POU6F2: variants seen among roughly 807,000 people sequenced by gnomAD.
The protein encoded by POU6F2 is POU class 6 homeobox 2, also known as POU domain, class 6, transcription factor 2.
POU6F2 carries 31 observed loss-of-function variants against 71.3 expected under a neutral mutation model. The observed-to-expected ratio is 0.43, with a 90% confidence interval of 0.33 to 0.59. The LOEUF is 0.59. Among genes scored for constraint, POU6F2 ranks in the 20% least tolerant of loss-of-function variants. The pLI is 0.04. For synonymous variants in POU6F2, 347 were observed against 355.7 expected (o/e 0.98, Z 0.27); for missense variants, 783 against 856.8 (o/e 0.91, Z 1.07).
chr7:39,275,584 G>T (rs1048007991), intron 4 of POU6F2, among the ~76,000 whole-genome samples: 1 of 152,142 alleles, frequency 6.6e-6, no homozygotes, highest in Non-Finnish European at 1.5e-5. Context: ...AAAAGAGCCC[G>T]CATTGCCAAG....
intron 1 of POU6F2, among the ~76,000 whole-genome samples, chr7:39,016,280 C>G (rs1002490914): frequency 1.5e-4 from 22 of 148,038 alleles, no homozygotes; most frequent in African/African-American, 5.2e-4. Flanking sequence ...TATATAATAA[C>G]AACTATTTAT....
intron 2 of POU6F2, among the ~76,000 whole-genome samples, chr7:39,138,304 A>G (rs1320660009): frequency 2.6e-5 from 4 of 152,172 alleles, no homozygotes; most frequent in African/African-American, 7.2e-5. Context: ...AGAAAATTCT[A>G]TTATTTAAAT....
chr7:39,446,890 A>T (rs1196001538), intron 7 of POU6F2, among the ~76,000 whole-genome samples: 2 of 152,252 alleles, frequency 1.3e-5, no homozygotes, highest in African/African-American at 4.8e-5. Context: ...CAAGAAAGTG[A>T]TTATGTAAAC....
rs1785884140 is a variant in POU6F2, at chr7:39,340,142, T to C, written c.972+127T>C. On this transcript the variant is annotated intron_variant, in intron 5 of 9. Transcript: ENST00000518318. ...CCAGTTCTGCAGCATCTAATTCAAA[T>C]TGATCTCTTAGACATAGGGAAGAAG... The C allele has an allele frequency of 3.8e-6, 5 of 1,300,984 alleles. No individual in the cohort carries two copies. The Admixed American group carries it at 8.4e-5, about 22-fold the overall frequency. The allele number at this position is 1,300,984 out of a possible 1,614,324, so 80.6% of individuals were successfully genotyped here. A position where few individuals can be genotyped will look rare whatever the true frequency, so the allele number is the denominator to read the frequency against.
chr7:39,419,119 ATG>A (rs1192498930), intron 6 of POU6F2, among the ~76,000 whole-genome samples: 1 of 132,066 alleles, frequency 7.6e-6, no homozygotes, highest in African/African-American at 3.1e-5. Context: ...ATACGTATAT[ATG>A]TGTATATATA....
chr7:39,244,645 C>T (rs1284705400), intron 4 of POU6F2, among the ~76,000 whole-genome samples: 1 of 152,150 alleles, frequency 6.6e-6, no homozygotes, highest in Non-Finnish European at 1.5e-5. Flanking sequence ...CACACACACG[C>T]ATTTCATACA....
At position 39,339,682 on chromosome 7, in the gene POU6F2, C is replaced by CAGCAGCAGCAG; in HGVS notation, c.639_640insAGCAGCAGCAG (p.Gln214SerfsTer121). 1 of 1,603,608 alleles carries CAGCAGCAGCAG rather than the reference C, an allele frequency of 6.2e-7. No individual in the cohort carries two copies. Among genetic ancestry groups the CAGCAGCAGCAG allele is most frequent in the Non-Finnish European group, 8.5e-7 (1 of 1,178,550 alleles). ...ACTCCCAGCTCCAGCAGCTCCAGCT[C>CAGCAGCAGCAG]CAGCTCCAGCAGCAGCAGCAGCAGC... On this transcript the variant is annotated frameshift_variant, in exon 5 of 10. Transcript: ENST00000518318. LOFTEE classifies it high-confidence loss of function.
intron 2 of POU6F2, among the ~76,000 whole-genome samples, chr7:39,117,500 A>T (rs1443852057): frequency 6.6e-6 from 1 of 152,224 alleles, no homozygotes; most frequent in African/African-American, 2.4e-5. Context: ...CTACGAGGAC[A>T]AAGAGGAGCA....
intron 4 of POU6F2, 101 bp from the exon 5 acceptor site, chr7:39,339,541 C>T: frequency 7.0e-7 from 1 of 1,424,920 alleles, no homozygotes; most frequent in Non-Finnish European, 9.2e-7. Flanking sequence ...CAAGAATTTT[C>T]TAAAGGAAAC....
At chr7:39,256,550 A>C (rs1784026932) in intron 4 of POU6F2, among the ~76,000 whole-genome samples, 1 of 152,236 alleles carries the variant, frequency 6.6e-6, no homozygotes, top group African/African-American at 2.4e-5. Context: ...GGTTGTTAAA[A>C]GGTAAATAAA....
intron 4 of POU6F2, among the ~76,000 whole-genome samples, chr7:39,299,755 A>T (rs35939093): frequency 0.46 from 69,557 of 152,022 alleles, 16,747 homozygotes; most frequent in Admixed American, 0.59. Flanking sequence ...TCTTCATTCA[A>T]CTCCAAAAGG....
At chr7:39,304,367 G>A (rs1370543953) in intron 4 of POU6F2, among the ~76,000 whole-genome samples, 1 of 152,152 alleles carries the variant, frequency 6.6e-6, no homozygotes, top group African/African-American at 2.4e-5. Flanking sequence ...CCAACATTTG[G>A]TGTGTCTCTT....
chr7:38,982,445 A>T (rs1788347232), intron 1 of POU6F2, among the ~76,000 whole-genome samples: 1 of 152,138 alleles, frequency 6.6e-6, no homozygotes, highest in Non-Finnish European at 1.5e-5. Flanking sequence ...GACTGACCAA[A>T]ATTGAATTTG....
chr7:38,998,838 T>TTTTTTTTTG (rs869182741), intron 1 of POU6F2, among the ~76,000 whole-genome samples: 2 of 141,330 alleles, frequency 1.4e-5, no homozygotes, highest in Admixed American at 7.1e-5. Context: ...TTTTTTTTTT[T>TTTTTTTTTG]TATTTTCAGT....
intron 2 of POU6F2, among the ~76,000 whole-genome samples, chr7:39,096,249 C>T (rs1020030372): frequency 6.6e-5 from 10 of 152,056 alleles, no homozygotes; most frequent in African/African-American, 1.4e-4. Flanking sequence ...TGTCACTTGC[C>T]GACGACCTGC....
chr7:39,027,885 A>G (rs1424503842), intron 1 of POU6F2, among the ~76,000 whole-genome samples: 2 of 152,168 alleles, frequency 1.3e-5, no homozygotes, highest in African/African-American at 2.4e-5. Flanking sequence ...TACCTGGGGT[A>G]CAAGTATACT....
chr7:39,003,103 A>ACAAAG (rs1788959359), intron 1 of POU6F2, among the ~76,000 whole-genome samples: 1 of 152,232 alleles, frequency 6.6e-6, no homozygotes. Flanking sequence ...AGATTGTAGT[A>ACAAAG]CATTTGTACT....
intron 3 of POU6F2, among the ~76,000 whole-genome samples, chr7:39,206,762 T>A (rs1418206238): frequency 1.3e-5 from 2 of 152,362 alleles, no homozygotes; most frequent in East Asian, 3.9e-4. Context: ...TATGCAGTTA[T>A]CTTATTTCCT....
intron 1 of POU6F2, among the ~76,000 whole-genome samples, chr7:39,004,819 A>G (rs1295554355): frequency 6.6e-6 from 1 of 152,122 alleles, no homozygotes; most frequent in Non-Finnish European, 1.5e-5. Context: ...CCTGCAAGAG[A>G]TCCTGGCATT....
Sources: gnomAD v4.1 joint callset for allele counts (sites outside exome capture counted in the v4.1 genomes callset) on GRCh38, gnomAD v4.1.1 for gene constraint, MANE v1.5 for transcripts, NCBI Gene and HGNC (gene_info 2026-07-23, HGNC 2026-07-21) for gene names.